Variants in TMEM245 observed in about 807,000 individuals in gnomAD.
TMEM245 encodes transmembrane protein 245.
In TMEM245, 69 loss-of-function variants were observed where a neutral mutation model predicts 101.2. The ratio of observed to expected loss-of-function variants is 0.68; its 90% CI spans 0.56 to 0.83. The LOEUF is 0.83. Among genes scored for constraint, TMEM245 ranks in the 40% least tolerant of loss-of-function variants. The probability of loss-of-function intolerance (pLI) is 0.00; values close to 1 mark genes in which losing one functional copy is unlikely to be tolerated. For missense variants in TMEM245, 1,075 were observed against 1,092.8 expected (o/e 0.98, Z 0.23); for synonymous variants, 537 against 449.8 (o/e 1.19, Z -2.45).
intron 10 of TMEM245, 92 bp downstream of exon 10, chr9:109,064,385 T>C (rs1829101859): frequency 1.8e-5 from 20 of 1,131,220 alleles, no homozygotes; most frequent in South Asian, 8.4e-5. Context: ...CTGCTGTGAA[T>C]AGCATTTCTA....
rs1829593624 is a variant in TMEM245 at position 109,078,902 on chromosome 9, T to C, written c.1449+1937A>G. Among the ~76,000 whole-genome samples the C allele has an allele frequency of 2.0e-5, 3 of 152,186 alleles. No individual in the cohort carries two copies. In the South Asian group the frequency reaches 6.2e-4, roughly 32 times the overall value. Reference sequence around the variant, plus strand: ...TTACATGTCTGCTAGATGTTTGATATTGTCCCACAGGTGTCTGAGGCTCTG... The same window carrying C: ...TTACATGTCTGCTAGATGTTTGATACTGTCCCACAGGTGTCTGAGGCTCTG... On this transcript the variant is annotated intron_variant, in intron 8 of 17. Transcript: ENST00000374586.
chr9:109,044,348 T>C (rs537195337), intron 14 of TMEM245, among the ~76,000 whole-genome samples: 1 of 152,296 alleles, frequency 6.6e-6, no homozygotes, highest in South Asian at 2.1e-4. Context: ...AGAAGCTCTA[T>C]AAACTCAGTG....
At chr9:109,078,899 A>G (rs1829593385) in intron 8 of TMEM245, among the ~76,000 whole-genome samples, 1 of 152,076 alleles carries the variant, frequency 6.6e-6, no homozygotes, top group African/African-American at 2.4e-5. Context: ...TAGATGTTTG[A>G]TATTGTCCCA....
chr9:109,119,416 G>A lies in TMEM245; in HGVS notation c.498C>T (p.Gly166=). 1 of 1,526,946 alleles carries A rather than the reference G, an allele frequency of 6.5e-7. No individual in the cohort carries two copies. 94.6% of individuals were successfully genotyped at this position (1,526,946 alleles called of 1,614,324 possible). Residue 166 remains glycine (G), a synonymous_variant, in exon 1 of 18, where the codon GGC becomes GGT. Transcript: ENST00000374586. ...GCAGCACCTGCACGCCCAAGTAGCT[G>A]CCGAGGCAGTAGAGGCCGTACAGGA... ...GPLLYGLYCL[G]SYLGVQVLLV... is the part of the protein sequence containing the mutation.
At chr9:109,076,072 T>G (rs1235344643) in intron 8 of TMEM245, among the ~76,000 whole-genome samples, 1 of 152,202 alleles carries the variant, frequency 6.6e-6, no homozygotes, top group African/African-American at 2.4e-5. Context: ...CTAATTTCCT[T>G]TGAAATTTAT....
At chr9:109,087,615 T>A (rs991612758) in intron 5 of TMEM245, among the ~76,000 whole-genome samples, 1 of 152,156 alleles carries the variant, frequency 6.6e-6, no homozygotes, top group East Asian at 1.9e-4. Flanking sequence ...ACAGCCCACA[T>A]AAACAAAAGA....
chr9:109,086,014 G>A lies in TMEM245; in HGVS notation c.1327C>T (p.His443Tyr). The change falls in exon 7 of 18, where the codon CAC becomes TAC. Residue 443 changes from histidine (H) to tyrosine (Y), a missense_variant. Coordinates refer to ENST00000374586, the MANE Select transcript of TMEM245 (RefSeq NM_032012.4). ...TCATTTACCTTCTTATTTAGCCAGT[G>A]CCAGAGCTTGAGGATAGGGGGTAAG... The part of the protein sequence containing the change: ...FLLKVDSKLW[H>Y]WLNKKMIIWL... 1 of 1,613,828 alleles carries A rather than the reference G, an allele frequency of 6.2e-7. No homozygotes were observed. The highest frequency in any genetic ancestry group is 8.5e-7 in the Non-Finnish European group (1 of 1,179,946).
In TMEM245 at chr9:109,057,164, A is replaced by G. The variant is rs1828863264; in HGVS notation, c.1854+27T>C. The G allele has an allele frequency of 1.9e-6, 3 of 1,601,316 alleles. No individual in the cohort carries two copies. The African/African-American group carries it at 4.0e-5, about 21-fold the overall frequency. ...ACAGTTTGTTTTTATTTTGAACTTC[A>G]GCTTAACTATAAATGCTATTTCTTA... On this transcript the variant is annotated intron_variant, in intron 12 of 17. Transcript: ENST00000374586.
At position 109,015,331 on chromosome 9, in the gene TMEM245, C is replaced by G; in HGVS notation, c.*5129G>C. The G allele has an allele frequency of 6.6e-6, 1 of 152,182 alleles. No individual in the cohort carries two copies. Among genetic ancestry groups the G allele is most frequent in the East Asian group, 1.9e-4 (1 of 5,180 alleles). The allele number at this position is 152,182 out of a possible 1,614,324, so 9.4% of individuals were successfully genotyped here. On this transcript the variant is annotated 3_prime_UTR_variant, in exon 18 of 18. Coordinates refer to ENST00000374586, the MANE Select transcript of TMEM245 (RefSeq NM_032012.4). The stretch of plus-strand genomic sequence containing the variant: ...GAATTGCCTCCTTCACCTGAGAACC[C>G]AGGGATGATACATTTTCAAAGAGTT...
chr9:109,104,617 G>A (rs1277572791), intron 3 of TMEM245, among the ~76,000 whole-genome samples: 1 of 152,126 alleles, frequency 6.6e-6, no homozygotes, highest in Non-Finnish European at 1.5e-5. Context: ...GAACAAAGTT[G>A]GAGAACTCAC....
chr9:109,026,015 A>C (rs1177968648), intron 17 of TMEM245, among the ~76,000 whole-genome samples: 1 of 152,242 alleles, frequency 6.6e-6, no homozygotes, highest in African/African-American at 2.4e-5. Flanking sequence ...TGCTTAATAA[A>C]ATGCAACCAT....
chr9:109,105,510 G>A, intron 3 of TMEM245, among the ~76,000 whole-genome samples: 1 of 152,256 alleles, frequency 6.6e-6, no homozygotes, highest in East Asian at 1.9e-4. Context: ...GGTAAACAAA[G>A]AACTGAAAAC....
chr9:109,037,459 G>A lies in TMEM245; in HGVS notation c.2224+558C>T, dbSNP rs117874720. 4.0e-4 allele frequency among the ~76,000 whole-genome samples: 61 copies of A among 152,312 alleles called. No homozygotes were observed. The East Asian group carries it at 0.011, about 27-fold the overall frequency. On this transcript the variant is annotated intron_variant, in intron 15 of 17. Transcript: ENST00000374586. ...TCAAATTGTAATCCCCAATGTTGGA[G>A]GTAAAACCTGGTGAGAGGTGACTGG...
In TMEM245 at chr9:109,083,916, A is replaced by ACAAAAAAAAAAAC. The variant is rs781014271; in HGVS notation, c.1344+2080_1344+2081insGTTTTTTTTTTTG. Among the ~76,000 whole-genome samples, 1,007 of 132,570 alleles carry ACAAAAAAAAAAAC rather than the reference A, an allele frequency of 7.6e-3. 17 individuals are homozygous for ACAAAAAAAAAAAC. Among genetic ancestry groups the ACAAAAAAAAAAAC allele is most frequent in the Non-Finnish European group, 0.013 (816 of 61,706 alleles). 87.0% of individuals were successfully genotyped at this position (132,570 alleles called of 152,430 possible). A position where few individuals can be genotyped will look rare whatever the true frequency, so the allele number is the denominator to read the frequency against. ...ACTAAAAATACAAAAAAAAAAAAAA[A>ACAAAAAAAAAAAC]AAAAAAAAAAAAACACCAGGCATGG... On this transcript the variant is annotated intron_variant, in intron 7 of 17. Coordinates refer to ENST00000374586, the MANE Select transcript of TMEM245 (RefSeq NM_032012.4).
Position 109,056,364 on chromosome 9 carries a change from C to G in TMEM245, c.1854+827G>C, listed in dbSNP as rs191506432. On this transcript the variant is annotated intron_variant, in intron 12 of 17. Transcript: ENST00000374586. ...ATCCCAGCACTTTGGGAGGCCGAGG[C>G]AGGCAGATCACTTGAGGTCAGGAGT... Among the ~76,000 whole-genome samples, 215 of 142,434 alleles carry G rather than the reference C, an allele frequency of 1.5e-3. 1 individual carries two copies. Among genetic ancestry groups the G allele is most frequent in the African/African-American group, 5.3e-3 (200 of 37,780 alleles). The allele number at this position is 142,434 out of a possible 152,430, so 93.4% of individuals were successfully genotyped here.
At position 109,048,771 on chromosome 9, in the gene TMEM245, A is replaced by G. The variant is rs538139473; in HGVS notation, c.2123+1512T>C. On this transcript the variant is annotated intron_variant, in intron 14 of 17. Transcript: ENST00000374586. ...AGGAAGCCAAGAGCCAACGACCTGG[A>G]AAGAGCTTATACAGAGGAAAAGTTG... Among the ~76,000 whole-genome samples the G allele has an allele frequency of 2.0e-5, 3 of 152,350 alleles. No individual in the cohort carries two copies. In the South Asian group the frequency reaches 6.2e-4, roughly 32 times the overall value.
chr9:109,098,127 T>G (rs1328636245), intron 3 of TMEM245, among the ~76,000 whole-genome samples: 1 of 152,182 alleles, frequency 6.6e-6, no homozygotes, highest in Admixed American at 6.5e-5. Context: ...TAGTAGACAT[T>G]TTTAGATCTC....
chr9:109,019,320 G>A lies in TMEM245; in HGVS notation c.*1140C>T, dbSNP rs1031900822. On this transcript the variant is annotated 3_prime_UTR_variant, in exon 18 of 18. Transcript: ENST00000374586. ...GAGGCCAAATCCTACTACACTTTACGACTTTGAGTTGGTCACTTTTCTGAA... is the reference window on the plus strand; with the variant it reads ...GAGGCCAAATCCTACTACACTTTACAACTTTGAGTTGGTCACTTTTCTGAA... The A allele has an allele frequency of 2.0e-5, 3 of 152,056 alleles. No individual in the cohort carries two copies. The highest frequency in any genetic ancestry group is 6.5e-5 in the Admixed American group (1 of 15,284). The allele number at this position is 152,056 out of a possible 1,614,324, so 9.4% of individuals were successfully genotyped here.
At position 109,119,498 on chromosome 9, in the gene TMEM245, C is replaced by T. The variant is rs745482173; in HGVS notation, c.416G>A (p.Gly139Asp). The T allele has an allele frequency of 3.3e-6, 5 of 1,507,894 alleles. No homozygotes were observed. In the Admixed American group the frequency reaches 6.4e-5, roughly 19 times the overall value. 93.4% of individuals were successfully genotyped at this position (1,507,894 alleles called of 1,614,324 possible). A position where few individuals can be genotyped will look rare whatever the true frequency, so the allele number is the denominator to read the frequency against. Reference protein sequence around the residue: ...CFVDYGVEALGEQALRRRRLL... With the variant: ...CFVDYGVEALDEQALRRRRLL... ...GCGGCGGCGGCGCAGCGCCTGCTCG[C>T]CCAGGGCCTCGACGCCGTAGTCGAC... The change falls in exon 1 of 18, where the codon GGC becomes GAC. Residue 139 changes from glycine to aspartate, a missense_variant. Around this residue, in one of 2 missense-constraint regions of TMEM245, gnomAD observed 808 missense variants for 741.5 expected, o/e 1.09. Transcript: ENST00000374586.
Sources: gnomAD v4.1 joint callset for allele counts (sites outside exome capture counted in the v4.1 genomes callset) on GRCh38, gnomAD v4.1.1 for gene constraint, gnomAD v4.1.1 regional missense constraint, MANE v1.5 for transcripts, NCBI Gene and HGNC (gene_info 2026-07-23, HGNC 2026-07-21) for gene names.